TRRAP: variants seen among roughly 807,000 people sequenced by gnomAD.
TRRAP encodes transformation/transcription domain-associated protein.
Under a neutral mutation model 438.8 loss-of-function variants are expected in TRRAP, and 41 were observed. The ratio of observed to expected loss-of-function variants is 0.09; its 90% CI spans 0.07 to 0.12. The LOEUF (loss-of-function observed/expected upper bound fraction) is 0.12. TRRAP is among the 10% of genes least tolerant of loss of function. TRRAP has a pLI of 1.00. For missense variants in TRRAP, 3,122 were observed against 5,055.1 expected (o/e 0.62, Z 11.60); for synonymous variants, 1,994 against 1,962.9 (o/e 1.02, Z -0.42).
intron 58 of TRRAP, among the ~76,000 whole-genome samples, chr7:98,979,255 C>G (rs565819928): frequency 6.6e-6 from 1 of 152,168 alleles, no homozygotes; most frequent in Non-Finnish European, 1.5e-5. Context: ...ATACATTCTT[C>G]CCTCAGTATC....
chr7:98,895,885 T>C lies in TRRAP; in HGVS notation c.507+65T>C. ...ATACTTCCTTATTCCAAAAAGACTT[T>C]AGAACAGTTGGGTTGCAGAAATAGT... is the stretch of plus-strand genomic sequence containing the variant. On this transcript the variant is annotated intron_variant, in intron 7 of 72. Transcript: ENST00000456197. 3.7e-6 allele frequency: 5 copies of C among 1,340,954 alleles called. No individual in the cohort carries two copies. The South Asian group carries it at 4.2e-5, about 11-fold the overall frequency. The allele number at this position is 1,340,954 out of a possible 1,614,324, so 83.1% of individuals were successfully genotyped here. A position where few individuals can be genotyped will look rare whatever the true frequency, so the allele number is the denominator to read the frequency against.
In TRRAP at chr7:98,951,014, C is replaced by T; in HGVS notation, c.5463+10C>T. ...TGTGTTTATTACCAAGGTGGTATCA[C>T]TATGTGTGTGGGTGTGAGAAGTAGC... On this transcript the variant is annotated intron_variant, in intron 39 of 72. Transcript: ENST00000456197. 1.3e-6 allele frequency: 2 copies of T among 1,577,884 alleles called. No individual in the cohort carries two copies. The highest frequency in any genetic ancestry group is 1.7e-6 in the Non-Finnish European group (2 of 1,163,860).
rs763651756 is a variant in TRRAP at position 99,012,066 on chromosome 7, C to T, written c.11338-5C>T. The stretch of plus-strand genomic sequence containing the variant: ...ACAAGTCGTCTCGTTCTCTCCCTCA[C>T]GCAGGTGGATGGCATTCTGAAAACG... On this transcript the variant is annotated splice_polypyrimidine_tract_variant and splice_region_variant and intron_variant, in intron 72 of 72. Coordinates refer to ENST00000456197, the MANE Select transcript of TRRAP (RefSeq NM_001375524.1). The surrounding 1 kb of genome is among the most constrained non-coding windows in gnomAD (Gnocchi z 5.9). 3.6e-5 allele frequency: 58 copies of T among 1,612,356 alleles called. 1 individual carries two copies. In the South Asian group the frequency reaches 4.2e-4, roughly 12 times the overall value.
chr7:98,952,821 C>T (rs1453803723), intron 39 of TRRAP, among the ~76,000 whole-genome samples: 3 of 152,090 alleles, frequency 2.0e-5, no homozygotes, highest in Non-Finnish European at 4.4e-5. Context: ...GAACGTGGGG[C>T]CGTCACCTGT....
At chr7:98,987,643 C>T (rs1309752763) in intron 62 of TRRAP, among the ~76,000 whole-genome samples, 3 of 152,194 alleles carry the variant, frequency 2.0e-5, no homozygotes, top group African/African-American at 7.2e-5. Flanking sequence ...GATGGACTGA[C>T]ATCTTCTCTT....
chr7:98,908,630 G>T lies in TRRAP; in HGVS notation c.1116-98G>T. On this transcript the variant is annotated intron_variant, in intron 13 of 72. Coordinates refer to ENST00000456197, the MANE Select transcript of TRRAP (RefSeq NM_001375524.1). This position sits in a 1 kb window ranked among gnomAD's most constrained non-coding sequence, Gnocchi z 4.1. The stretch of plus-strand genomic sequence containing the variant: ...GGGCCATGTAAGTGTGCCGACCCAG[G>T]GGTGGTGTTCCTGGGGCAGATGGTG... The T allele has an allele frequency of 1.8e-6, 2 of 1,090,404 alleles. No individual in the cohort carries two copies. Among genetic ancestry groups the T allele is most frequent in the Non-Finnish European group, 2.7e-6 (2 of 754,112 alleles). 67.5% of individuals were successfully genotyped at this position (1,090,404 alleles called of 1,614,324 possible).
At chr7:98,900,839 C>A in intron 11 of TRRAP, 119 bp downstream of exon 11, 1 of 762,478 alleles carries the variant, frequency 1.3e-6, no homozygotes, top group Non-Finnish European at 2.1e-6. Flanking sequence ...ACTAACACAT[C>A]AAAATACGGT....
chr7:98,967,766 C>A, intron 51 of TRRAP, 68 bp downstream of exon 51: 1 of 1,421,542 alleles, frequency 7.0e-7, no homozygotes. Flanking sequence ...GGCTCCAAAG[C>A]CAGGAGGTGT....
chr7:98,928,242 G>GA (rs575801592), intron 23 of TRRAP, among the ~76,000 whole-genome samples: 2 of 149,380 alleles, frequency 1.3e-5, no homozygotes, highest in African/African-American at 2.5e-5. Flanking sequence ...GTCTCAAAAA[G>GA]AAAAAAAAAG....
chr7:98,948,332 C>T lies in TRRAP; in HGVS notation c.4660C>T (p.Leu1554=), dbSNP rs782266556. The stretch of plus-strand genomic sequence containing the variant: ...TGTCATGAAAACGGAGCGGGCGATG[C>T]TGATCGAGGTAAGGGCCATACTGAA... ...EVVMKTERAM[L]IEAGSPFREP... The change falls in exon 34 of 73, where the codon CTG becomes TTG. Residue 1554 remains leucine (L), a synonymous_variant. Coordinates refer to ENST00000456197, the MANE Select transcript of TRRAP (RefSeq NM_001375524.1). The surrounding 1 kb of genome is among the most constrained non-coding windows in gnomAD (Gnocchi z 4.9). 2.5e-6 allele frequency: 4 copies of T among 1,614,198 alleles called. No individual in the cohort carries two copies. Among genetic ancestry groups the T allele is most frequent in the Non-Finnish European group, 3.4e-6 (4 of 1,180,036 alleles).
rs192754520 is a variant in TRRAP at position 98,956,817 on chromosome 7, A to G, written c.6231+284A>G. Among the ~76,000 whole-genome samples the G allele has an allele frequency of 2.6e-5, 4 of 152,204 alleles. No homozygotes were observed. The East Asian group carries it at 7.7e-4, about 29-fold the overall frequency. On this transcript the variant is annotated intron_variant, in intron 43 of 72. Transcript: ENST00000456197. The surrounding 1 kb of genome is among the most constrained non-coding windows in gnomAD (Gnocchi z 4.5). ...TCTAGAGAAACTCTTTGAAGTAAGG[A>G]GTTGATTAAGAACATGTGCCCATAC...
At chr7:98,949,357 C>T in intron 35 of TRRAP, 60 bp from the exon 36 acceptor site, 2 of 1,431,936 alleles carry the variant, frequency 1.4e-6, no homozygotes, top group Non-Finnish European at 1.8e-6. Flanking sequence ...CATTCATATC[C>T]TCTAACTTTC....
intron 17 of TRRAP, 104 bp downstream of exon 17, chr7:98,911,375 G>GCC: frequency 8.5e-7 from 1 of 1,180,960 alleles, no homozygotes. Flanking sequence ...ATGTAGCCAA[G>GCC]GATGTGCTTA....
At chr7:98,886,664 A>C (rs1271613121) in intron 3 of TRRAP, among the ~76,000 whole-genome samples, 14 of 152,234 alleles carry the variant, frequency 9.2e-5, no homozygotes, top group African/African-American at 3.4e-4. Context: ...GACCATCAAG[A>C]AGCAGTTCTC....
intron 22 of TRRAP, 79 bp from the exon 23 acceptor site, chr7:98,927,088 A>T (rs1790081928): frequency 6.6e-7 from 1 of 1,512,742 alleles, no homozygotes; most frequent in African/African-American, 1.4e-5. Context: ...AGCAGATTAA[A>T]AATTTGAAAA....
intron 21 of TRRAP, among the ~76,000 whole-genome samples, chr7:98,923,222 G>A (rs1281310223): frequency 6.6e-6 from 1 of 152,148 alleles, no homozygotes; most frequent in African/African-American, 2.4e-5. Context: ...TAGACAAAAA[G>A]CTCCCCCCAC....
At chr7:98,974,343 G>T (rs1293636073) in intron 53 of TRRAP, among the ~76,000 whole-genome samples, 1 of 152,212 alleles carries the variant, frequency 6.6e-6, no homozygotes, top group Non-Finnish European at 1.5e-5. Flanking sequence ...GGTGCCACCA[G>T]CTCTTCTTAG....
intron 70 of TRRAP, among the ~76,000 whole-genome samples, chr7:99,009,787 A>G (rs985194738): frequency 2.0e-5 from 3 of 152,170 alleles, no homozygotes; most frequent in Admixed American, 1.3e-4. Flanking sequence ...GCCTATAGGC[A>G]GAGGGAGATG....
At chr7:98,886,490 C>A (rs868993948) in intron 3 of TRRAP, among the ~76,000 whole-genome samples, 1 of 150,750 alleles carries the variant, frequency 6.6e-6, no homozygotes. Context: ...ATATAGATAT[C>A]TAGAGAGATA....
Sources: allele counts gnomAD v4.1 joint callset (sites outside exome capture counted in the v4.1 genomes callset), GRCh38; gene constraint gnomAD v4.1.1; non-coding constraint Gnocchi (gnomAD v3.1); transcripts MANE v1.5; gene names NCBI Gene and HGNC (gene_info 2026-07-23, HGNC 2026-07-21).